Variants in GALNTL6 observed in about 807,000 individuals in gnomAD.
The protein encoded by GALNTL6 is polypeptide N-acetylgalactosaminyltransferase-like 6.
Under a neutral mutation model 73.7 loss-of-function variants are expected in GALNTL6, and 46 were observed. The ratio of observed to expected loss-of-function variants is 0.62; its 90% confidence interval spans 0.49 to 0.80. The LOEUF is 0.80. GALNTL6 is among the 30% of genes least tolerant of loss of function. GALNTL6 has a pLI of 0.00. For synonymous variants in GALNTL6, 259 were observed against 263.7 expected (o/e 0.98, Z 0.17); for missense variants, 604 against 755.0 (o/e 0.80, Z 2.34).
At chr4:172,305,959 G>C (rs1204534563) in intron 3 of GALNTL6, among the ~76,000 whole-genome samples, 1 of 152,036 alleles carries the variant, frequency 6.6e-6, no homozygotes, top group Non-Finnish European at 1.5e-5. Flanking sequence ...TGAATGTGTA[G>C]CTTCAAATTT....
chr4:172,138,493 A>ATATT (rs1733702210), intron 2 of GALNTL6, among the ~76,000 whole-genome samples: 1 of 4,692 alleles, frequency 2.1e-4, no homozygotes, highest in Non-Finnish European at 6.5e-4. Context: ...ATATATATAT[A>ATATT]TATATATATA....
chr4:172,518,803 G>C (rs772401888), intron 5 of GALNTL6, among the ~76,000 whole-genome samples: 3 of 151,728 alleles, frequency 2.0e-5, no homozygotes, highest in Non-Finnish European at 3.0e-5. Flanking sequence ...ATGTAATTAA[G>C]GTATAGTTAT....
chr4:172,125,711 C>T (rs1032896857), intron 2 of GALNTL6, among the ~76,000 whole-genome samples: 1 of 152,080 alleles, frequency 6.6e-6, no homozygotes, highest in East Asian at 1.9e-4. Flanking sequence ...CAAAAATTTA[C>T]CACATAAGAT....
intron 2 of GALNTL6, among the ~76,000 whole-genome samples, chr4:171,892,028 CT>C (rs1384855891): frequency 6.6e-6 from 1 of 152,144 alleles, no homozygotes; most frequent in Non-Finnish European, 1.5e-5. Flanking sequence ...AATTCCACAC[CT>C]AACCTCATGT....
rs188594730 is a variant in GALNTL6 at position 172,839,301 on chromosome 4, A to G, written c.923+25578A>G. Among the ~76,000 whole-genome samples, 509 of 152,352 alleles carry G rather than the reference A, an allele frequency of 3.3e-3. 10 individuals are homozygous for G. Among genetic ancestry groups the G allele is most frequent in the Admixed American group, 0.031 (472 of 15,300 alleles). On this transcript the variant is annotated intron_variant, in intron 7 of 12. Transcript: ENST00000506823. ...GAAGACTGAGAGACTACCTGAAGTC[A>G]CTAATCTAATTCTCAGACAATATTA... is the stretch of plus-strand genomic sequence containing the variant.
intron 8 of GALNTL6, among the ~76,000 whole-genome samples, chr4:172,900,660 T>C (rs1579629469): frequency 1.3e-5 from 2 of 152,116 alleles, no homozygotes; most frequent in East Asian, 3.8e-4. Flanking sequence ...AGAAAAAAAA[T>C]GGCATTGCTG....
intron 5 of GALNTL6, among the ~76,000 whole-genome samples, chr4:172,638,976 A>G (rs1264564836): frequency 6.6e-6 from 1 of 152,096 alleles, no homozygotes; most frequent in East Asian, 1.9e-4. Flanking sequence ...TCAAAATAAT[A>G]CCACAGAAGT....
intron 2 of GALNTL6, among the ~76,000 whole-genome samples, chr4:172,153,745 G>A (rs1371462237): frequency 2.0e-5 from 3 of 152,086 alleles, no homozygotes; most frequent in Admixed American, 6.6e-5. Flanking sequence ...AATACAAAAC[G>A]TATGGTCACA....
intron 5 of GALNTL6, among the ~76,000 whole-genome samples, chr4:172,395,710 T>C (rs1411296140): frequency 6.6e-6 from 1 of 152,134 alleles, no homozygotes; most frequent in East Asian, 1.9e-4. Flanking sequence ...CCCAAGATAA[T>C]TATTGATACA....
At chr4:172,939,014 A>T (rs1487325350) in intron 9 of GALNTL6, among the ~76,000 whole-genome samples, 2 of 152,230 alleles carry the variant, frequency 1.3e-5, no homozygotes, top group African/African-American at 4.8e-5. Flanking sequence ...TTAAAATATA[A>T]TACCTCAGGA....
In GALNTL6 at chr4:172,200,496, A is replaced by G. The variant is rs552473824; in HGVS notation, c.139-29160A>G. ...AAAAGCAAGTTGTGGAATGAAACAA[A>G]CAAGTGGCACCAGAAAATATTGCCT... On this transcript the variant is annotated intron_variant, in intron 2 of 12. Coordinates refer to ENST00000506823, the MANE Select transcript of GALNTL6 (RefSeq NM_001034845.3). Among the ~76,000 whole-genome samples, 24 of 152,320 alleles carry G rather than the reference A, an allele frequency of 1.6e-4. No homozygotes were observed. In the South Asian group the frequency reaches 4.8e-3, roughly 30 times the overall value.
intron 4 of GALNTL6, among the ~76,000 whole-genome samples, chr4:172,317,560 CATAA>C (rs913758655): frequency 1.3e-5 from 2 of 152,018 alleles, no homozygotes; most frequent in Non-Finnish European, 2.9e-5. Flanking sequence ...ATTGTAAATA[CATAA>C]TTAGATTTTT....
At chr4:172,039,269 T>A (rs7695428) in intron 2 of GALNTL6, among the ~76,000 whole-genome samples, 6,910 of 152,224 alleles carry the variant, frequency 0.045, 506 homozygotes, top group African/African-American at 0.16. Context: ...CCAAAAAAAA[T>A]TTTCAATGTG....
rs5864129 is a variant in GALNTL6, at chr4:172,357,634, T to TAC, written c.553+8978_553+8979dup. Among the ~76,000 whole-genome samples, 965 of 145,820 alleles carry TAC rather than the reference T, an allele frequency of 6.6e-3. 9 individuals carry two copies. The highest frequency in any genetic ancestry group is 0.023 in the African/African-American group (899 of 38,364). On this transcript the variant is annotated intron_variant, in intron 5 of 12. Transcript: ENST00000506823. Reference sequence around the variant, plus strand: ...ATATATGTATATATATATAGATATATACACACACACACACACACACACACA... The same window carrying TAC: ...ATATATGTATATATATATAGATATATACACACACACACACACACACACACACA...
intron 7 of GALNTL6, among the ~76,000 whole-genome samples, chr4:172,881,902 T>A (rs1333578581): frequency 1.3e-5 from 2 of 152,084 alleles, no homozygotes; most frequent in Admixed American, 6.6e-5. Flanking sequence ...ACATTCCACC[T>A]CTTCTGCGTG....
At chr4:172,936,374 C>T (rs1446859536) in intron 9 of GALNTL6, among the ~76,000 whole-genome samples, 1 of 152,160 alleles carries the variant, frequency 6.6e-6, no homozygotes, top group African/African-American at 2.4e-5. Flanking sequence ...CAGCACAAGA[C>T]AAGGATACCC....
At chr4:172,966,535 C>T (rs1461069443) in intron 10 of GALNTL6, among the ~76,000 whole-genome samples, 1 of 152,150 alleles carries the variant, frequency 6.6e-6, no homozygotes, top group Non-Finnish European at 1.5e-5. Context: ...GCTGGGATTA[C>T]AGGCATGCGC....
intron 2 of GALNTL6, among the ~76,000 whole-genome samples, chr4:172,178,215 C>G (rs1735108981): frequency 6.6e-6 from 1 of 152,088 alleles, no homozygotes; most frequent in South Asian, 2.1e-4. Context: ...GAGATAATAA[C>G]TGTTTGAACA....
At chr4:172,560,989 C>T (rs2110924669) in intron 5 of GALNTL6, among the ~76,000 whole-genome samples, 1 of 151,692 alleles carries the variant, frequency 6.6e-6, no homozygotes, top group South Asian at 2.1e-4. Flanking sequence ...CGCGGTGGCT[C>T]ACGCCTGTAA....
Sources: allele counts gnomAD v4.1 joint callset (sites outside exome capture counted in the v4.1 genomes callset), GRCh38; gene constraint gnomAD v4.1.1; transcripts MANE v1.5; gene names NCBI Gene and HGNC (gene_info 2026-07-23, HGNC 2026-07-21).